Variants in ERC2 observed in about 807,000 individuals in gnomAD.
ERC2 encodes the protein ELKS/RAB6-interacting/CAST family member 2.
ERC2 carries 42 observed loss-of-function variants against 114.8 expected under a neutral mutation model. The ratio of observed to expected loss-of-function variants is 0.37; its 90% confidence interval spans 0.29 to 0.47. The LOEUF (loss-of-function observed/expected upper bound fraction) is 0.47, where lower values mean the gene tolerates loss of function less well. Ranked by LOEUF, ERC2 falls within the 20% of genes least tolerant of loss-of-function variation. The probability of loss-of-function intolerance (pLI) is 0.99; values close to 1 mark genes in which losing one functional copy is unlikely to be tolerated. For missense variants in ERC2, 939 were observed against 1,150.7 expected, an observed-to-expected ratio of 0.82 and a Z score of 2.66; for synonymous variants, 454 against 425.5, an observed-to-expected ratio of 1.07 and a Z score of -0.82.
intron 4 of ERC2, among the ~76,000 whole-genome samples, chr3:56,154,377 A>C (rs1296964675): frequency 6.6e-6 from 1 of 152,184 alleles, no homozygotes; most frequent in Non-Finnish European, 1.5e-5. Flanking sequence ...ATGTACAAGC[A>C]CAGAAAAGGT....
At chr3:55,884,324 G>C (rs6763408) in intron 14 of ERC2, among the ~76,000 whole-genome samples, 15 of 151,996 alleles carry the variant, frequency 9.9e-5, no homozygotes, top group African/African-American at 3.1e-4. Context: ...TTGCAAAATA[G>C]GCAAGTACAG....
chr3:56,038,462 G>A (rs2074942537), intron 7 of ERC2, among the ~76,000 whole-genome samples: 1 of 152,158 alleles, frequency 6.6e-6, no homozygotes, highest in Non-Finnish European at 1.5e-5. Flanking sequence ...TAAAGAAAGA[G>A]GAATGCTTTT....
chr3:56,176,567 C>T (rs1176072002), intron 3 of ERC2, among the ~76,000 whole-genome samples: 1 of 152,098 alleles, frequency 6.6e-6, no homozygotes, highest in Non-Finnish European at 1.5e-5. Context: ...AAAATAAAAT[C>T]TCCAATTACC....
intron 2 of ERC2, among the ~76,000 whole-genome samples, chr3:56,338,806 C>G (rs1032085400): frequency 9.2e-5 from 14 of 152,204 alleles, no homozygotes; most frequent in African/African-American, 2.9e-4. Context: ...AGCACTTTCT[C>G]CCTAAGGCTG....
chr3:55,567,380 G>T (rs896234563), intron 17 of ERC2, among the ~76,000 whole-genome samples: 1 of 152,206 alleles, frequency 6.6e-6, no homozygotes, highest in Non-Finnish European at 1.5e-5. Context: ...GTGAAATAAG[G>T]CAAGGTTGGA....
chr3:56,242,741 C>T (rs898689898), intron 3 of ERC2, among the ~76,000 whole-genome samples: 1 of 151,696 alleles, frequency 6.6e-6, no homozygotes, highest in African/African-American at 2.4e-5. Context: ...AAAAAAGAAA[C>T]AAAGAAAGAA....
chr3:55,760,973 G>C (rs1019568178), intron 14 of ERC2, among the ~76,000 whole-genome samples: 1 of 152,136 alleles, frequency 6.6e-6, no homozygotes, highest in Non-Finnish European at 1.5e-5. Flanking sequence ...GTGGGCCCAG[G>C]GTAGATTGGG....
intron 3 of ERC2, among the ~76,000 whole-genome samples, chr3:56,252,539 G>C (rs1280357516): frequency 6.6e-6 from 1 of 152,086 alleles, no homozygotes; most frequent in East Asian, 1.9e-4. Flanking sequence ...CAGATTGCCT[G>C]AGGTCAGGAG....
rs144846100 is a variant in ERC2, at chr3:55,636,050, A to G, written c.*39+47744T>C. Among the ~76,000 whole-genome samples, 235 of 151,520 alleles carry G rather than the reference A, an allele frequency of 1.6e-3. 4 individuals are homozygous for G. The East Asian group carries it at 0.02, about 13-fold the overall frequency. ...GCCACCATGCCCGGCTAATTTTTAT[A>G]TCTTTAGTAGAGGCGGGGTTTCACC... On this transcript the variant is annotated intron_variant, in intron 17 of 17. Transcript: ENST00000288221.
chr3:55,976,677 G>A (rs2069617431), intron 12 of ERC2, among the ~76,000 whole-genome samples: 1 of 152,024 alleles, frequency 6.6e-6, no homozygotes. Flanking sequence ...ACCTAACTTG[G>A]GCCTGTCTAG....
intron 4 of ERC2, among the ~76,000 whole-genome samples, chr3:56,151,794 T>C (rs1473849410): frequency 6.6e-6 from 1 of 152,046 alleles, no homozygotes. Flanking sequence ...AGATGCTAAA[T>C]GCACATGGCT....
chr3:56,285,713 A>G (rs934407726), intron 3 of ERC2, among the ~76,000 whole-genome samples: 1 of 152,232 alleles, frequency 6.6e-6, no homozygotes, highest in African/African-American at 2.4e-5. Context: ...GCCATGGCAC[A>G]CTAACAACTA....
At chr3:55,824,648 C>T (rs945587546) in intron 14 of ERC2, among the ~76,000 whole-genome samples, 23 of 152,174 alleles carry the variant, frequency 1.5e-4, no homozygotes, top group African/African-American at 4.8e-4. Context: ...ACATGGTTTA[C>T]ATCAGTGTTT....
At chr3:56,306,653 T>A (rs1186248527) in intron 2 of ERC2, among the ~76,000 whole-genome samples, 1 of 152,180 alleles carries the variant, frequency 6.6e-6, no homozygotes, top group Non-Finnish European at 1.5e-5. Flanking sequence ...GGTGTTCATG[T>A]TAGTATTATA....
intron 2 of ERC2, 191 bp downstream of exon 2, chr3:56,434,160 T>A: frequency 1.3e-5 from 7 of 526,930 alleles, no homozygotes; most frequent in Non-Finnish European, 2.0e-5. Flanking sequence ...TATCGGAAAA[T>A]AAGGAAATTA....
chr3:55,858,034 T>C (rs922961282), intron 14 of ERC2, among the ~76,000 whole-genome samples: 4 of 152,206 alleles, frequency 2.6e-5, no homozygotes, highest in African/African-American at 9.7e-5. Flanking sequence ...TAATAATTTA[T>C]AGAAAGAGCA....
chr3:55,963,694 G>A (rs374945797), intron 12 of ERC2, among the ~76,000 whole-genome samples: 54 of 152,214 alleles, frequency 3.5e-4, no homozygotes, highest in African/African-American at 1.2e-3. Flanking sequence ...AAAAGCCTAC[G>A]ACTCCACTGT....
At chr3:55,574,156 T>C (rs543206399) in intron 17 of ERC2, among the ~76,000 whole-genome samples, 1 of 152,316 alleles carries the variant, frequency 6.6e-6, no homozygotes, top group East Asian at 1.9e-4. Context: ...GTTATTCTCA[T>C]GTGACCAATG....
chr3:55,939,583 A>C (rs940320117), intron 13 of ERC2, among the ~76,000 whole-genome samples: 1 of 152,244 alleles, frequency 6.6e-6, no homozygotes, highest in African/African-American at 2.4e-5. Flanking sequence ...ATAGTATTCC[A>C]TAGAACCATC....
Sources: gnomAD v4.1 joint callset for allele counts (sites outside exome capture counted in the v4.1 genomes callset) on GRCh38, gnomAD v4.1.1 for gene constraint, MANE v1.5 for transcripts, NCBI Gene and HGNC (gene_info 2026-07-23, HGNC 2026-07-21) for gene names.